The following ZMIZ1 variants were observed in gnomAD, a reference collection of about 807,000 sequenced individuals.
ZMIZ1 encodes the protein zinc finger MIZ domain-containing protein 1.
A neutral mutation model predicts 113.9 loss-of-function variants in ZMIZ1; 17 were observed. The observed-to-expected ratio is 0.15, with a 90% CI of 0.10 to 0.22. The LOEUF is 0.22. Ranked by LOEUF, ZMIZ1 falls within the 10% of genes least tolerant of loss-of-function variation. The pLI is 1.00. For synonymous variants in ZMIZ1, 607 were observed against 603.1 expected (o/e 1.01, Z -0.09); for missense variants, 1,059 against 1,477.8 (o/e 0.72, Z 4.65).
chr10:79,080,339 CT>C (rs1842617247), intron 1 of ZMIZ1, among the ~76,000 whole-genome samples: 1 of 112,432 alleles, frequency 8.9e-6, no homozygotes, highest in Non-Finnish European at 1.7e-5. Context: ...CTGAGTCTTG[CT>C]TTGTCACCCA....
At chr10:79,210,540 C>T (rs2132690479) in intron 6 of ZMIZ1, among the ~76,000 whole-genome samples, 1 of 152,292 alleles carries the variant, frequency 6.6e-6, no homozygotes, top group South Asian at 2.1e-4. Context: ...AGGAGTTGAC[C>T]TCCTTGGGAG....
At chr10:79,168,544 G>C (rs1846462629) in intron 4 of ZMIZ1, among the ~76,000 whole-genome samples, 1 of 152,196 alleles carries the variant, frequency 6.6e-6, no homozygotes, top group South Asian at 2.1e-4. Flanking sequence ...CCACAGACAG[G>C]CACCCAGCTT....
Position 79,274,171 on chromosome 10 carries a change from G to A in ZMIZ1, c.281-3010G>A, listed in dbSNP as rs563790582. 1.2e-3 allele frequency among the ~76,000 whole-genome samples: 186 copies of A among 152,380 alleles called. 2 individuals are homozygous for A. Among genetic ancestry groups the A allele is most frequent in the African/African-American group, 4.3e-3 (177 of 41,596 alleles). ...CACTCTTGACCCTGCCTGCAGCACA[G>A]AGGGGCTCAGGTCAGGACTGACACT... On this transcript the variant is annotated intron_variant, in intron 7 of 24. Transcript: ENST00000334512.
chr10:79,266,479 ACGG>A (rs1263879168), intron 7 of ZMIZ1, among the ~76,000 whole-genome samples: 4 of 152,204 alleles, frequency 2.6e-5, no homozygotes, highest in African/African-American at 9.7e-5. Context: ...GAAGAACCAC[ACGG>A]CTGGGAGAAC....
At chr10:79,203,392 C>T (rs531946787) in intron 5 of ZMIZ1, among the ~76,000 whole-genome samples, 5 of 152,312 alleles carry the variant, frequency 3.3e-5, no homozygotes, top group Admixed American at 2.0e-4. Context: ...CGCCTCTGTT[C>T]ACCGTGGCAG....
intron 1 of ZMIZ1, among the ~76,000 whole-genome samples, chr10:79,089,116 C>T (rs1018962022): frequency 2.6e-5 from 4 of 152,236 alleles, no homozygotes; most frequent in Non-Finnish European, 5.9e-5. Context: ...GACAGGACAG[C>T]GCTGAGCAGG....
intron 7 of ZMIZ1, among the ~76,000 whole-genome samples, chr10:79,254,258 A>G (rs1313034091): frequency 1.3e-5 from 2 of 152,188 alleles, no homozygotes; most frequent in African/African-American, 4.8e-5. Flanking sequence ...GGCCAGTCTT[A>G]GGGAAGTTCA....
At chr10:79,149,294 C>A (rs2132444962) in intron 3 of ZMIZ1, among the ~76,000 whole-genome samples, 2 of 152,314 alleles carry the variant, frequency 1.3e-5, no homozygotes, top group Middle Eastern at 3.4e-3. Flanking sequence ...CTGGAAGAGT[C>A]CTCCTTGCTC....
chr10:79,184,939 G>T lies in ZMIZ1; in HGVS notation c.-49-16645G>T, dbSNP rs138869806. On this transcript the variant is annotated intron_variant, in intron 4 of 24. Coordinates refer to ENST00000334512, the MANE Select transcript of ZMIZ1 (RefSeq NM_020338.4). ...CAGTTCCTGGATTTTTACCTGCTCA[G>T]CCATAAAGCCCTGCAAAGTGATGAA... is the stretch of plus-strand genomic sequence containing the variant. 4.1e-3 allele frequency among the ~76,000 whole-genome samples: 630 copies of T among 152,288 alleles called. 3 individuals carry two copies. Among genetic ancestry groups the T allele is most frequent in the African/African-American group, 0.015 (614 of 41,548 alleles).
intron 3 of ZMIZ1, among the ~76,000 whole-genome samples, chr10:79,144,955 TTGG>T (rs1845422224): frequency 6.6e-6 from 1 of 152,064 alleles, no homozygotes; most frequent in African/African-American, 2.4e-5. Flanking sequence ...CTTCGGCTTC[TTGG>T]TGGCTCATTT....
At chr10:79,183,070 G>C (rs984731410) in intron 4 of ZMIZ1, among the ~76,000 whole-genome samples, 1 of 152,204 alleles carries the variant, frequency 6.6e-6, no homozygotes, top group Non-Finnish European at 1.5e-5. Context: ...AGTCAACCTA[G>C]GTTGGCACCC....
rs770627005 is a variant in ZMIZ1, at chr10:79,300,850, GACA to G, written c.1932_1934del (p.Asn644del). On this transcript the variant is annotated inframe_deletion, in exon 17 of 25. Transcript: ENST00000334512. ...CACGCCCCTCACCATTGAGCGCGGC[GACA>G]ACAAGACCTCCCACAAGCCCCTGCA... 1.2e-5 allele frequency: 19 copies of G among 1,613,456 alleles called. No individual in the cohort carries two copies. Among genetic ancestry groups the G allele is most frequent in the Middle Eastern group, 1.6e-4 (1 of 6,078 alleles).
chr10:79,107,123 G>C (rs944039641), intron 1 of ZMIZ1, among the ~76,000 whole-genome samples: 2 of 152,248 alleles, frequency 1.3e-5, no homozygotes, highest in African/African-American at 4.8e-5. Flanking sequence ...CAAGTGACTG[G>C]CTTGCGGCCA....
At chr10:79,275,554 A>G (rs1768257669) in intron 7 of ZMIZ1, among the ~76,000 whole-genome samples, 1 of 152,232 alleles carries the variant, frequency 6.6e-6, no homozygotes, top group Admixed American at 6.5e-5. Context: ...CAGCCTGCCC[A>G]GCCACTCCCG....
At chr10:79,155,450 T>G (rs911402016) in intron 3 of ZMIZ1, among the ~76,000 whole-genome samples, 4 of 152,258 alleles carry the variant, frequency 2.6e-5, no homozygotes, top group Admixed American at 6.5e-5. Context: ...TGGTGTGATC[T>G]TGGCTGGGCC....
chr10:79,089,852 A>G (rs1842935886), intron 1 of ZMIZ1, among the ~76,000 whole-genome samples: 1 of 151,588 alleles, frequency 6.6e-6, no homozygotes, highest in Non-Finnish European at 1.5e-5. Context: ...GTGCCCTTAC[A>G]AGCTCCTGGC....
chr10:79,146,984 C>T (rs1235545856), intron 3 of ZMIZ1, among the ~76,000 whole-genome samples: 2 of 152,052 alleles, frequency 1.3e-5, no homozygotes, highest in African/African-American at 4.8e-5. Flanking sequence ...ATATCCCTGT[C>T]CCTGGCCAAG....
Position 79,292,368 on chromosome 10 carries a change from C to T in ZMIZ1, c.957+12C>T. 1 of 1,596,856 alleles carries T rather than the reference C, an allele frequency of 6.3e-7. No homozygotes were observed. Among genetic ancestry groups the T allele is most frequent in the Non-Finnish European group, 8.6e-7 (1 of 1,166,806 alleles). On this transcript the variant is annotated intron_variant, in intron 11 of 24. Transcript: ENST00000334512. ...ACCAGTATGGACCGGTAAGGGTTCC[C>T]ACTAATCCTGGTCCAGCCTTGCCCA...
chr10:79,298,625 C>A (rs1214232880), intron 15 of ZMIZ1, 45 bp downstream of exon 15: 32 of 1,544,768 alleles, frequency 2.1e-5, no homozygotes, highest in Non-Finnish European at 2.7e-5. Context: ...CCTGGGCCCC[C>A]CAGTGGGCCG....
Sources: allele counts gnomAD v4.1 joint callset (sites outside exome capture counted in the v4.1 genomes callset), GRCh38; gene constraint gnomAD v4.1.1; transcripts MANE v1.5; gene names NCBI Gene and HGNC (gene_info 2026-07-23, HGNC 2026-07-21).